ABCC8: variants seen among roughly 807,000 people sequenced by gnomAD.
ABCC8 encodes the protein ATP-binding cassette sub-family C member 8.
A neutral mutation model predicts 188.0 loss-of-function variants in ABCC8; 137 were observed. The observed-to-expected ratio is 0.73, with a 90% confidence interval of 0.63 to 0.84. The LOEUF is 0.84. Ranked by LOEUF, ABCC8 falls within the 40% of genes least tolerant of loss-of-function variation. The probability of loss-of-function intolerance (pLI) is 0.00; values close to 1 mark genes in which losing one functional copy is unlikely to be tolerated. For missense variants in ABCC8, 1,750 were observed against 2,072.7 expected, an observed-to-expected ratio of 0.84 and a Z score of 3.02; for synonymous variants, 797 against 846.5, an observed-to-expected ratio of 0.94 and a Z score of 1.01.
chr11:17,397,101 A>T, intron 32 of ABCC8, 55 bp from the exon 33 acceptor site: 1 of 1,613,888 alleles, frequency 6.2e-7, no homozygotes. Context: ...AGTATCCGAA[A>T]GTGCCACCCC....
rs780718623 is a variant in ABCC8, at chr11:17,395,860, G to C, written c.4190C>G (p.Thr1397Arg). ...FSLAFFRMVD[T>R]FEGHIIIDGI... Reference sequence around the variant, plus strand: ...CCCGCCTTACAACTCACCTTCGAACGTGTCCACCATGCGGAAGAAGGCAAG... The same window carrying C: ...CCCGCCTTACAACTCACCTTCGAACCTGTCCACCATGCGGAAGAAGGCAAG... The change falls in exon 34 of 39, where the codon ACG becomes AGG. Residue 1397 changes from threonine (T) to arginine (R), a missense_variant. Physicochemically the swap from Thr to Arg is moderately conservative, Grantham distance 71. Coordinates refer to ENST00000389817, the MANE Select transcript of ABCC8 (RefSeq NM_000352.6). The C allele has an allele frequency of 1.9e-6, 3 of 1,582,756 alleles. No individual in the cohort carries two copies.
chr11:17,476,725 C>T lies in ABCC8; in HGVS notation c.52G>A (p.Asp18Asn), dbSNP rs761650987. 6.2e-7 allele frequency: 1 copy of T among 1,608,084 alleles called. No individual in the cohort carries two copies. The highest frequency in any genetic ancestry group is 8.5e-7 in the Non-Finnish European group (1 of 1,177,524). Residue 18 changes from aspartate to asparagine, a missense_variant, in exon 1 of 39, where the codon GAC (aspartate) becomes AAC (asparagine). Physicochemically the swap from Asp to Asn is conservative, Grantham distance 23. Transcript: ENST00000389817. ...CAGCCGTTGTTGAGGACCCCCTGGTCCACCCGGTAGGCGGCCGAGTGGTTC... is the reference window on the plus strand; with the variant it reads ...CAGCCGTTGTTGAGGACCCCCTGGTTCACCCGGTAGGCGGCCGAGTGGTTC... ...SENHSAAYRV[D>N]QGVLNNGCFV... is the part of the protein sequence containing the mutation.
At chr11:17,412,785 A>G (rs771551588) in intron 20 of ABCC8, 39 bp from the exon 21 acceptor site, 3 of 1,581,938 alleles carry the variant, frequency 1.9e-6, no homozygotes, top group South Asian at 1.2e-5. Context: ...GCCCTCAGCC[A>G]TTCAGGAGAC....
chr11:17,435,498 C>G (rs879169479), intron 10 of ABCC8, among the ~76,000 whole-genome samples: 1 of 152,128 alleles, frequency 6.6e-6, no homozygotes, highest in Non-Finnish European at 1.5e-5. Context: ...AAAACTAGAC[C>G]CTTTTCCACT....
At position 17,402,832 on chromosome 11, in the gene ABCC8, C is replaced by T; in HGVS notation, c.3558-79G>A. The T allele has an allele frequency of 2.6e-6, 4 of 1,547,272 alleles. No individual in the cohort carries two copies. In the South Asian group the frequency reaches 4.5e-5, roughly 17 times the overall value. On this transcript the variant is annotated intron_variant, in intron 28 of 38. Coordinates refer to ENST00000389817, the MANE Select transcript of ABCC8 (RefSeq NM_000352.6). ...TGGGCCTGAAGCCTAGCTCCACCTG[C>T]TACCGCTGTGTGGGTGAATGGCCTT... is the stretch of plus-strand genomic sequence containing the variant.
intron 29 of ABCC8, among the ~76,000 whole-genome samples, chr11:17,401,072 T>C (rs4148639): frequency 0.47 from 70,907 of 152,124 alleles, 20,203 homozygotes; most frequent in African/African-American, 0.79. Flanking sequence ...TCTGAGGCTG[T>C]TTACAGGAAG....
chr11:17,410,391 G>T, intron 22 of ABCC8, 125 bp downstream of exon 22: 1 of 1,101,504 alleles, frequency 9.1e-7, no homozygotes. Context: ...GCCATCCAGT[G>T]CTGGTCTCTT....
intron 3 of ABCC8, among the ~76,000 whole-genome samples, chr11:17,466,314 G>A (rs1186503408): frequency 3.4e-5 from 5 of 148,664 alleles, no homozygotes; most frequent in African/African-American, 5.0e-5. Flanking sequence ...CAGGAGAATC[G>A]CTTGAACCAG....
chr11:17,456,576 G>A (rs77278870), intron 6 of ABCC8, among the ~76,000 whole-genome samples: 2,740 of 152,226 alleles, frequency 0.018, 97 homozygotes, highest in African/African-American at 0.064. Flanking sequence ...GAGGCCCTGG[G>A]TAAAGAATAA....
intron 22 of ABCC8, 73 bp downstream of exon 22, chr11:17,410,443 T>TG (rs1192307094): frequency 1.8e-5 from 27 of 1,527,558 alleles, no homozygotes; most frequent in Non-Finnish European, 2.3e-5. Flanking sequence ...GACAACGGAT[T>TG]GGTTCCTGCC....
At chr11:17,448,481 C>G in intron 8 of ABCC8, 35 bp downstream of exon 8, 1 of 1,592,180 alleles carries the variant, frequency 6.3e-7, no homozygotes, top group Non-Finnish European at 8.6e-7. Context: ...GTGTGTCCTG[C>G]TGCCCCCCTC....
chr11:17,443,439 A>G (rs758568693), intron 8 of ABCC8, 127 bp from the exon 9 acceptor site: 2 of 1,529,604 alleles, frequency 1.3e-6, no homozygotes, highest in Non-Finnish European at 8.9e-7. Context: ...TTTCCAAATT[A>G]TCTTGGGGAG....
At chr11:17,415,528 G>T in intron 17 of ABCC8, 189 bp from the exon 18 acceptor site, 1 of 840,744 alleles carries the variant, frequency 1.2e-6, no homozygotes. Context: ...AGCCTCTGCT[G>T]CCTGACCACG....
In ABCC8 at chr11:17,476,727, A is replaced by G. The variant is rs764950519; in HGVS notation, c.50T>C (p.Val17Ala). 1.9e-6 allele frequency: 3 copies of G among 1,606,740 alleles called. No individual in the cohort carries two copies. The highest frequency in any genetic ancestry group is 2.5e-6 in the Non-Finnish European group (3 of 1,177,018). The change falls in exon 1 of 39, where the codon GTG becomes GCG. Residue 17 changes from valine (V) to alanine (A), a missense_variant. Physicochemically the swap from Val to Ala is moderately conservative, Grantham distance 64. Coordinates refer to ENST00000389817, the MANE Select transcript of ABCC8 (RefSeq NM_000352.6). ...GCCGTTGTTGAGGACCCCCTGGTCCACCCGGTAGGCGGCCGAGTGGTTCTC... is the reference window on the plus strand; with the variant it reads ...GCCGTTGTTGAGGACCCCCTGGTCCGCCCGGTAGGCGGCCGAGTGGTTCTC... ...GSENHSAAYR[V>A]DQGVLNNGCF...
intron 10 of ABCC8, among the ~76,000 whole-genome samples, chr11:17,437,139 G>A (rs1956136483): frequency 1.4e-5 from 2 of 143,574 alleles, no homozygotes; most frequent in Non-Finnish European, 1.5e-5. Flanking sequence ...TTCAAAAAAG[G>A]TATCCCTGTT....
At chr11:17,450,061 AACTG>A (rs1294540780) in intron 7 of ABCC8, among the ~76,000 whole-genome samples, 3 of 152,242 alleles carry the variant, frequency 2.0e-5, no homozygotes, top group African/African-American at 4.8e-5. Context: ...AGAAATGCAC[AACTG>A]ACTGACAGCT....
chr11:17,468,968 T>G (rs1210911021), intron 3 of ABCC8, among the ~76,000 whole-genome samples: 1 of 152,126 alleles, frequency 6.6e-6, no homozygotes, highest in African/African-American at 2.4e-5. Context: ...TCTCTCTAAA[T>G]GTTAGCAAAC....
intron 22 of ABCC8, 143 bp downstream of exon 22, chr11:17,410,373 T>A (rs1262261569): frequency 7.6e-6 from 7 of 922,116 alleles, no homozygotes; most frequent in Non-Finnish European, 1.2e-5. Flanking sequence ...ATGCCCAGCA[T>A]GCATAAAGCC....
In ABCC8 at chr11:17,406,643, C is replaced by T. The variant is rs765913448; in HGVS notation, c.3308G>A (p.Arg1103Gln). 5.0e-5 allele frequency: 80 copies of T among 1,614,006 alleles called. No homozygotes were observed. Among genetic ancestry groups the T allele is most frequent in the Admixed American group, 8.3e-5 (5 of 60,002 alleles). Reference sequence around the variant, plus strand: ...GTACCTCATGGGGGCTAGGATGATCCGGTTTAGCAGGCTGCGGTGCAGTCT... The same window carrying T: ...GTACCTCATGGGGGCTAGGATGATCTGGTTTAGCAGGCTGCGGTGCAGTCT... ...AKRLHRSLLN[R>Q]IILAPMRFFE... Residue 1103 changes from arginine to glutamine, a missense_variant, in exon 26 of 39, where the codon CGG (arginine) becomes CAG (glutamine). Transcript: ENST00000389817.
Sources: gnomAD v4.1 joint callset for allele counts (sites outside exome capture counted in the v4.1 genomes callset) on GRCh38, gnomAD v4.1.1 for gene constraint, MANE v1.5 for transcripts, NCBI Gene and HGNC (gene_info 2026-07-23, HGNC 2026-07-21) for gene names.